Variants in HS3ST5 observed in about 807,000 individuals in gnomAD.
HS3ST5 encodes the protein heparan sulfate-glucosamine 3-sulfotransferase 5, also known as heparan sulfate glucosamine 3-O-sulfotransferase 5.
In HS3ST5, 10 loss-of-function variants were observed where a neutral mutation model predicts 25.4. The ratio of observed to expected loss-of-function variants is 0.39; its 90% confidence interval spans 0.24 to 0.67. The LOEUF is 0.67. HS3ST5 is among the 30% of genes least tolerant of loss of function. The pLI, the probability that HS3ST5 is intolerant of heterozygous loss-of-function variation, is 0.44. For synonymous variants in HS3ST5, 170 were observed against 162.4 expected, an observed-to-expected ratio of 1.05 and a Z score of -0.36; for missense variants, 324 against 420.7, an observed-to-expected ratio of 0.77 and a Z score of 2.01.
chr6:114,227,285 T>C lies in HS3ST5; in HGVS notation c.-145+1300A>G, dbSNP rs373864209. On this transcript the variant is annotated intron_variant, in intron 2 of 4. Coordinates refer to ENST00000312719, the MANE Select transcript of HS3ST5 (RefSeq NM_153612.4). ...TTTATTGTTGCCTTTTGATACGTTA[T>C]GGATAAAAAATTCTACATAATGTGA... Among the ~76,000 whole-genome samples the C allele has an allele frequency of 5.9e-5, 9 of 151,718 alleles. No homozygotes were observed. The East Asian group carries it at 7.7e-4, about 13-fold the overall frequency.
Position 114,143,659 on chromosome 6 carries a change from A to G in HS3ST5, c.-33+24692T>C, listed in dbSNP as rs535563271. On this transcript the variant is annotated intron_variant, in intron 3 of 4. Coordinates refer to ENST00000312719, the MANE Select transcript of HS3ST5 (RefSeq NM_153612.4). ...ATTTTTCCAAACTGCAGCTTATTAC[A>G]TGGGTCACACAAGGACAGTTTGCAG... 3.3e-5 allele frequency: 5 copies of G among 152,318 alleles called. No homozygotes were observed. The East Asian group carries it at 5.8e-4, about 18-fold the overall frequency. The allele number at this position is 152,318 out of a possible 1,614,324, so 9.4% of individuals were successfully genotyped here. A position where few individuals can be genotyped will look rare whatever the true frequency, so the allele number is the denominator to read the frequency against.
intron 3 of HS3ST5, among the ~76,000 whole-genome samples, chr6:114,096,794 T>C (rs1032643131): frequency 2.6e-4 from 40 of 151,968 alleles, no homozygotes; most frequent in African/African-American, 9.1e-4. Flanking sequence ...GAGGCCTGAC[T>C]ATCACAGCAG....
chr6:114,061,715 C>T (rs780915892), intron 4 of HS3ST5, among the ~76,000 whole-genome samples: 19 of 152,232 alleles, frequency 1.2e-4, no homozygotes, highest in Non-Finnish European at 2.5e-4. Context: ...TTTGGGAGGC[C>T]AAGGCAGGTG....
chr6:114,106,601 A>C (rs970176674), intron 3 of HS3ST5, among the ~76,000 whole-genome samples: 1 of 152,086 alleles, frequency 6.6e-6, no homozygotes, highest in Admixed American at 6.5e-5. Context: ...TAGTAAAATG[A>C]CTGTCTAGAA....
Position 114,208,618 on chromosome 6 carries a change from C to T in HS3ST5, c.-145+19967G>A, listed in dbSNP as rs562718629. ...CAGGAGACCCCATCCTTTCAAATTG[C>T]CGTGTTGACTCTGAATCTGACTGGT... On this transcript the variant is annotated intron_variant, in intron 2 of 4. Transcript: ENST00000312719. Among the ~76,000 whole-genome samples the T allele has an allele frequency of 1.6e-4, 24 of 152,202 alleles. No homozygotes were observed. In the East Asian group the frequency reaches 3.5e-3, roughly 22 times the overall value.
chr6:114,145,419 T>C (rs2114945431), intron 3 of HS3ST5, among the ~76,000 whole-genome samples: 1 of 152,302 alleles, frequency 6.6e-6, no homozygotes, highest in South Asian at 2.1e-4. Flanking sequence ...GCCTGGCTTA[T>C]CTGAGCCCTG....
At chr6:114,261,277 C>T (rs1173541780) in intron 1 of HS3ST5, among the ~76,000 whole-genome samples, 1 of 151,972 alleles carries the variant, frequency 6.6e-6, no homozygotes, top group Non-Finnish European at 1.5e-5. Context: ...TAAGAAAAAA[C>T]AATTGAAGAA....
chr6:114,183,248 A>G (rs1178552260), intron 2 of HS3ST5, among the ~76,000 whole-genome samples: 1 of 152,066 alleles, frequency 6.6e-6, no homozygotes, highest in Non-Finnish European at 1.5e-5. Flanking sequence ...AGCTAATTGA[A>G]CCACAGGGGC....
At chr6:114,206,448 A>G (rs1781279689) in intron 2 of HS3ST5, among the ~76,000 whole-genome samples, 1 of 152,208 alleles carries the variant, frequency 6.6e-6, no homozygotes, top group African/African-American at 2.4e-5. Context: ...AGCAGAAATA[A>G]AACTATCATA....
intron 3 of HS3ST5, among the ~76,000 whole-genome samples, chr6:114,141,858 TTGTGTGTGTG>T (rs59862071): frequency 0.013 from 1,866 of 141,236 alleles, 23 homozygotes; most frequent in East Asian, 0.036. Context: ...AGATGATAGT[TTGTGTGTGTG>T]TGTGTGTGTG....
chr6:114,280,524 A>G, intron 1 of HS3ST5, among the ~76,000 whole-genome samples: 1 of 152,036 alleles, frequency 6.6e-6, no homozygotes, highest in Non-Finnish European at 1.5e-5. Context: ...CCAGTTCGTC[A>G]AAGACTCATT....
At chr6:114,253,803 T>C (rs1772775239) in intron 1 of HS3ST5, among the ~76,000 whole-genome samples, 1 of 152,200 alleles carries the variant, frequency 6.6e-6, no homozygotes, top group Non-Finnish European at 1.5e-5. Context: ...TTTTTCTCCC[T>C]GTGTTTCGTT....
intron 1 of HS3ST5, among the ~76,000 whole-genome samples, chr6:114,325,715 C>T (rs555515904): frequency 1.3e-5 from 2 of 152,206 alleles, no homozygotes; most frequent in African/African-American, 4.8e-5. Flanking sequence ...TTTATGCAGG[C>T]ATACATGATC....
chr6:114,331,900 T>C (rs1384041702), intron 1 of HS3ST5, among the ~76,000 whole-genome samples: 1 of 152,050 alleles, frequency 6.6e-6, no homozygotes, highest in Non-Finnish European at 1.5e-5. Flanking sequence ...ACTCAGACTT[T>C]TAAATCTCAT....
At position 114,211,998 on chromosome 6, in the gene HS3ST5, G is replaced by C. The variant is rs138462841; in HGVS notation, c.-145+16587C>G. 2.4e-3 allele frequency among the ~76,000 whole-genome samples: 368 copies of C among 152,334 alleles called. 1 individual carries two copies. The highest frequency in any genetic ancestry group is 8.4e-3 in the African/African-American group (351 of 41,576). On this transcript the variant is annotated intron_variant, in intron 2 of 4. Coordinates refer to ENST00000312719, the MANE Select transcript of HS3ST5 (RefSeq NM_153612.4). ...TATTGTCACACTTTGGAATGATTTT[G>C]TGAGAACTGGCAACCAGAGTCCAAT...
intron 2 of HS3ST5, among the ~76,000 whole-genome samples, chr6:114,207,983 T>A (rs1781349805): frequency 6.6e-6 from 1 of 152,202 alleles, no homozygotes; most frequent in East Asian, 1.9e-4. Flanking sequence ...CATGTCTTAC[T>A]ACAGTATAGT....
At chr6:114,254,676 G>C (rs141863739) in intron 1 of HS3ST5, among the ~76,000 whole-genome samples, 2 of 152,270 alleles carry the variant, frequency 1.3e-5, no homozygotes, top group East Asian at 3.9e-4. Flanking sequence ...TCACAATCAC[G>C]GTGGAAGGTA....
At chr6:114,189,466 AT>A (rs1280707448) in intron 2 of HS3ST5, among the ~76,000 whole-genome samples, 5 of 152,106 alleles carry the variant, frequency 3.3e-5, no homozygotes, top group Non-Finnish European at 7.4e-5. Context: ...ATTAAAAAAA[AT>A]CTCATACTGG....
intron 1 of HS3ST5, among the ~76,000 whole-genome samples, chr6:114,296,266 C>T (rs1233016032): frequency 6.6e-6 from 1 of 152,076 alleles, no homozygotes; most frequent in Non-Finnish European, 1.5e-5. Context: ...TTATAGAATG[C>T]CACGTCATAG....
Sources: allele counts gnomAD v4.1 joint callset (sites outside exome capture counted in the v4.1 genomes callset), GRCh38; gene constraint gnomAD v4.1.1; transcripts MANE v1.5; gene names NCBI Gene and HGNC (gene_info 2026-07-23, HGNC 2026-07-21).